The following EYS variants were observed in gnomAD, a reference collection of about 807,000 sequenced individuals.
EYS encodes protein eyes shut homolog.
EYS carries 250 observed loss-of-function variants against 282.1 expected under a neutral mutation model. That is an observed-to-expected ratio of 0.89 (90% CI 0.80 to 0.98). The LOEUF (loss-of-function observed/expected upper bound fraction) is 0.98. Ranked by LOEUF, EYS falls within the 50% of genes least tolerant of loss-of-function variation. The pLI is 0.00. For missense variants in EYS, 4,016 were observed against 3,709.0 expected (o/e 1.08, Z -2.15); for synonymous variants, 1,355 against 1,282.9 (o/e 1.06, Z -1.20).
chr6:64,374,408 G>A (rs376626362), intron 29 of EYS, among the ~76,000 whole-genome samples: 1 of 151,966 alleles, frequency 6.6e-6, no homozygotes, highest in African/African-American at 2.4e-5. Flanking sequence ...GTAGAAGGCT[G>A]GTGGGTGTGG....
At chr6:65,411,626 A>G (rs1767016893) in intron 5 of EYS, among the ~76,000 whole-genome samples, 3 of 151,886 alleles carry the variant, frequency 2.0e-5, no homozygotes, top group African/African-American at 7.3e-5. Flanking sequence ...AATCTTACCC[A>G]CTTCTCTGCC....
intron 33 of EYS, among the ~76,000 whole-genome samples, chr6:64,047,981 C>G (rs1770684274): frequency 6.6e-6 from 1 of 152,176 alleles, no homozygotes; most frequent in South Asian, 2.1e-4. Context: ...TCTTGGCTCA[C>G]TGCAACCTCT....
intron 2 of EYS, among the ~76,000 whole-genome samples, chr6:65,568,612 T>C (rs1193807826): frequency 6.6e-6 from 1 of 152,204 alleles, no homozygotes; most frequent in Admixed American, 6.5e-5. Context: ...GAGTTGAGCA[T>C]GACTTTTCAA....
At chr6:63,940,684 CT>C (rs565570695) in intron 35 of EYS, among the ~76,000 whole-genome samples, 84 of 142,214 alleles carry the variant, frequency 5.9e-4, no homozygotes, top group East Asian at 1.6e-3. Flanking sequence ...TTTTTTTCCT[CT>C]TTTTTTTTTT....
intron 12 of EYS, among the ~76,000 whole-genome samples, chr6:65,229,126 C>G (rs1380360941): frequency 6.6e-6 from 1 of 151,696 alleles, no homozygotes; most frequent in East Asian, 1.9e-4. Context: ...TTCACTGAAG[C>G]CAAATAAACA....
intron 22 of EYS, among the ~76,000 whole-genome samples, chr6:64,803,332 A>G (rs1173619780): frequency 6.7e-6 from 1 of 149,600 alleles, no homozygotes; most frequent in Non-Finnish European, 1.5e-5. Context: ...CTGGTCATCC[A>G]GATGTCTCTC....
intron 14 of EYS, among the ~76,000 whole-genome samples, chr6:64,954,237 TC>T (rs1319599199): frequency 6.6e-6 from 1 of 151,934 alleles, no homozygotes; most frequent in Non-Finnish European, 1.5e-5. Flanking sequence ...CCATTTGTGA[TC>T]CTTTTTAAGG....
At chr6:64,663,902 C>T (rs758144284) in intron 22 of EYS, among the ~76,000 whole-genome samples, 5 of 152,132 alleles carry the variant, frequency 3.3e-5, no homozygotes, top group Admixed American at 6.5e-5. Context: ...AACCATGGAA[C>T]CCAGCGACTA....
intron 13 of EYS, among the ~76,000 whole-genome samples, chr6:65,033,834 G>A (rs1459700463): frequency 1.3e-5 from 2 of 152,146 alleles, no homozygotes; most frequent in Non-Finnish European, 2.9e-5. Context: ...TGAGAAAAAG[G>A]TCACTCTTCT....
At chr6:65,332,803 A>T (rs1562101426) in intron 11 of EYS, among the ~76,000 whole-genome samples, 3 of 151,446 alleles carry the variant, frequency 2.0e-5, no homozygotes, top group Admixed American at 2.0e-4. Context: ...TTGTTTAATT[A>T]CTGATTCAAT....
chr6:64,623,051 T>C (rs956104475), intron 23 of EYS, among the ~76,000 whole-genome samples: 1 of 152,176 alleles, frequency 6.6e-6, no homozygotes, highest in African/African-American at 2.4e-5. Flanking sequence ...TCACAGTGTT[T>C]AGAATTGCTA....
intron 26 of EYS, among the ~76,000 whole-genome samples, chr6:64,462,302 T>C (rs1488401910): frequency 1.3e-5 from 2 of 152,168 alleles, no homozygotes; most frequent in African/African-American, 2.4e-5. Flanking sequence ...AAACGAGAGA[T>C]ATAAAAACAG....
intron 12 of EYS, among the ~76,000 whole-genome samples, chr6:65,083,612 A>G (rs1280183947): frequency 6.6e-6 from 1 of 151,820 alleles, no homozygotes; most frequent in African/African-American, 2.4e-5. Context: ...TACTTTTTCA[A>G]CCCTGTTTTC....
chr6:64,027,010 C>T lies in EYS; in HGVS notation c.6726-27827G>A, dbSNP rs566071989. ...TGTCACGCTACCGTTAGATCAAACG[C>T]TGGCCTTTAATGAAAAGAATGCGGC... On this transcript the variant is annotated intron_variant, in intron 33 of 42. Transcript: ENST00000503581. 1.1e-3 allele frequency among the ~76,000 whole-genome samples: 167 copies of T among 152,286 alleles called. 1 individual carries two copies. The highest frequency in any genetic ancestry group is 0.011 in the Admixed American group (167 of 15,292).
At chr6:63,892,466 A>G (rs1177724210) in intron 35 of EYS, among the ~76,000 whole-genome samples, 1 of 152,214 alleles carries the variant, frequency 6.6e-6, no homozygotes, top group African/African-American at 2.4e-5. Context: ...CCTGCCAAAA[A>G]CAAGCAATGG....
intron 22 of EYS, among the ~76,000 whole-genome samples, chr6:64,685,646 A>G (rs9342369): frequency 0.68 from 103,498 of 152,028 alleles, 36,279 homozygotes; most frequent in Middle Eastern, 0.78. Flanking sequence ...GGCTTTTGCT[A>G]GAAGTTCAAG....
intron 36 of EYS, among the ~76,000 whole-genome samples, chr6:63,825,711 G>A (rs1464378060): frequency 6.6e-6 from 1 of 152,120 alleles, no homozygotes; most frequent in Non-Finnish European, 1.5e-5. Flanking sequence ...CTACATCAAG[G>A]AAACACCCCA....
intron 26 of EYS, among the ~76,000 whole-genome samples, chr6:64,495,705 C>T (rs576269467): frequency 6.6e-6 from 1 of 151,696 alleles, no homozygotes; most frequent in Non-Finnish European, 1.5e-5. Flanking sequence ...AGACGTTAAA[C>T]CTTTTATTTC....
At chr6:64,504,775 G>A (rs1347416099) in intron 26 of EYS, among the ~76,000 whole-genome samples, 1 of 152,188 alleles carries the variant, frequency 6.6e-6, no homozygotes, top group Admixed American at 6.5e-5. Context: ...GAAAAGTTAT[G>A]TGCAGTTGAG....
Sources: allele counts gnomAD v4.1 joint callset (sites outside exome capture counted in the v4.1 genomes callset), GRCh38; gene constraint gnomAD v4.1.1; transcripts MANE v1.5; gene names NCBI Gene and HGNC (gene_info 2026-07-23, HGNC 2026-07-21).